Variants in SHC4 observed in about 807,000 individuals in gnomAD.
SHC4 encodes SHC-transforming protein 4.
Under a neutral mutation model 69.4 loss-of-function variants are expected in SHC4, and 41 were observed. The observed-to-expected ratio is 0.59, with a 90% CI of 0.46 to 0.77. SHC4 has a LOEUF of 0.77. Among genes scored for constraint, SHC4 ranks in the 30% least tolerant of loss-of-function variants. The pLI is 0.00. For missense variants in SHC4, 777 were observed against 783.8 expected (o/e 0.99, Z 0.10); for synonymous variants, 318 against 299.3 (o/e 1.06, Z -0.64).
intron 10 of SHC4, among the ~76,000 whole-genome samples, chr15:48,837,713 T>A (rs370600854): frequency 2.0e-5 from 3 of 152,324 alleles, no homozygotes; most frequent in East Asian, 3.9e-4. Flanking sequence ...ATAGTAATCA[T>A]ATCATCTTGG....
At chr15:48,932,590 C>A (rs1900987284) in intron 1 of SHC4, among the ~76,000 whole-genome samples, 1 of 152,174 alleles carries the variant, frequency 6.6e-6, no homozygotes, top group African/African-American at 2.4e-5. Flanking sequence ...CTTTGCTCCT[C>A]CCTCTTGAAA....
At chr15:48,925,348 T>G (rs1245790827) in intron 1 of SHC4, among the ~76,000 whole-genome samples, 1 of 152,162 alleles carries the variant, frequency 6.6e-6, no homozygotes, top group African/African-American at 2.4e-5. Context: ...CAATAGGAAT[T>G]GTTAGGAGAG....
intron 10 of SHC4, among the ~76,000 whole-genome samples, chr15:48,839,197 A>G (rs1160251561): frequency 1.3e-5 from 2 of 152,178 alleles, no homozygotes; most frequent in Non-Finnish European, 2.9e-5. Context: ...AAAGACAATA[A>G]AGGAATATTG....
intron 4 of SHC4, chr15:48,878,163 G>T (rs773646153): frequency 2.0e-6 from 3 of 1,530,382 alleles, no homozygotes; most frequent in South Asian, 2.5e-5. Context: ...CCTAGAGGTT[G>T]AGCGGTTTGC....
intron 4 of SHC4, among the ~76,000 whole-genome samples, chr15:48,874,434 A>G (rs1899754228): frequency 6.6e-6 from 1 of 152,142 alleles, no homozygotes; most frequent in Admixed American, 6.5e-5. Flanking sequence ...GCAGTGGATG[A>G]GCAAGAGAAG....
At chr15:48,936,397 G>A (rs1032485129) in intron 1 of SHC4, among the ~76,000 whole-genome samples, 17 of 152,122 alleles carry the variant, frequency 1.1e-4, no homozygotes, top group Non-Finnish European at 2.4e-4. Flanking sequence ...AAGTCAAAAG[G>A]CAGGGTTGTG....
intron 4 of SHC4, among the ~76,000 whole-genome samples, chr15:48,873,366 C>T (rs542254965): frequency 2.6e-5 from 4 of 152,290 alleles, no homozygotes; most frequent in South Asian, 2.1e-4. Context: ...ATAATTATTA[C>T]GGACTTATTA....
chr15:48,880,107 T>C (rs1022852651), intron 4 of SHC4: 4 of 167,140 alleles, frequency 2.4e-5, no homozygotes, highest in African/African-American at 9.6e-5. Flanking sequence ...GGTTTTATCA[T>C]GATCAGTAAA....
intron 7 of SHC4, among the ~76,000 whole-genome samples, chr15:48,856,863 C>T (rs1899328384): frequency 6.6e-6 from 1 of 151,386 alleles, no homozygotes; most frequent in South Asian, 2.1e-4. Flanking sequence ...AGGTTCATTA[C>T]ATGTCAATAA....
Position 48,855,942 on chromosome 15 carries a change from A to ACATT in SHC4, c.1242+7_1242+10dup. 6.2e-7 allele frequency: 1 copy of ACATT among 1,602,344 alleles called. No homozygotes were observed. Among genetic ancestry groups the ACATT allele is most frequent in the Non-Finnish European group, 8.5e-7 (1 of 1,173,652 alleles). The stretch of plus-strand genomic sequence containing the variant: ...CATTGCTGGTTCCAACAACAATAAA[A>ACATT]CATTACATACCAAATAGCACAACTT... On this transcript the variant is annotated intron_variant, in intron 8 of 11. Transcript: ENST00000332408.
rs1425810519 is a variant in SHC4, at chr15:48,824,385, G to A, written c.*1586C>T. 6.6e-6 allele frequency: 1 copy of A among 151,330 alleles called. No individual in the cohort carries two copies. The highest frequency in any genetic ancestry group is 1.5e-5 in the Non-Finnish European group (1 of 67,904). The allele number at this position is 151,330 out of a possible 1,614,324, so 9.4% of individuals were successfully genotyped here. On this transcript the variant is annotated 3_prime_UTR_variant, in exon 12 of 12. Transcript: ENST00000332408. ...ATCTACATAGCCAAAATGAAATGGA[G>A]TCAAGGCAATATCCAGATAACTCAA...
chr15:48,845,849 A>G (rs548129483), intron 9 of SHC4, among the ~76,000 whole-genome samples: 1 of 152,304 alleles, frequency 6.6e-6, no homozygotes, highest in East Asian at 1.9e-4. Flanking sequence ...AAATTTTCCT[A>G]TATTTGTGTT....
rs57343981 is a variant in SHC4, at chr15:48,836,023, CAA to C, written c.1484-1003_1484-1002del. ...TGAAATCCTGTCTCTACAAAAAATC[CAA>C]AAAAAAAAAAAAAAAAAAAAAGCCA... On this transcript the variant is annotated intron_variant, in intron 10 of 11. Transcript: ENST00000332408. Among the ~76,000 whole-genome samples, 55 of 60,106 alleles carry C rather than the reference CAA, an allele frequency of 9.2e-4. No individual in the cohort carries two copies. In the South Asian group the frequency reaches 0.011, roughly 12 times the overall value. The allele number at this position is 60,106 out of a possible 152,430, so 39.4% of individuals were successfully genotyped here. A position where few individuals can be genotyped will look rare whatever the true frequency, so the allele number is the denominator to read the frequency against.
chr15:48,830,038 C>T (rs1048513940), intron 11 of SHC4, among the ~76,000 whole-genome samples: 3 of 152,030 alleles, frequency 2.0e-5, no homozygotes, highest in African/African-American at 7.2e-5. Context: ...AATATATTTA[C>T]ATTTAAAGTA....
intron 1 of SHC4, among the ~76,000 whole-genome samples, chr15:48,959,819 A>C (rs1901511974): frequency 6.6e-6 from 1 of 152,242 alleles, no homozygotes. Flanking sequence ...TGAGGAACAG[A>C]ACAACAACCA....
At chr15:48,862,900 C>T (rs533169639) in intron 6 of SHC4, among the ~76,000 whole-genome samples, 5 of 152,080 alleles carry the variant, frequency 3.3e-5, no homozygotes, top group South Asian at 2.1e-4. Context: ...CCCCCACTCC[C>T]TGACATCCTT....
intron 6 of SHC4, 24 bp from the exon 7 acceptor site, chr15:48,857,839 A>C (rs778313315): frequency 6.8e-7 from 1 of 1,470,656 alleles, no homozygotes; most frequent in Admixed American, 2.4e-5. Context: ...TACAAAAAAT[A>C]ATATTATAAT....
chr15:48,953,899 T>C (rs1412383084), intron 1 of SHC4, among the ~76,000 whole-genome samples: 2 of 152,184 alleles, frequency 1.3e-5, no homozygotes, highest in Admixed American at 6.5e-5. Context: ...GGAATATTGT[T>C]TGGGTGGAAA....
At chr15:48,904,923 C>A (rs1900381091) in intron 2 of SHC4, among the ~76,000 whole-genome samples, 1 of 142,052 alleles carries the variant, frequency 7.0e-6, no homozygotes. Flanking sequence ...CACGCACACA[C>A]ACACACACAC....
Sources: allele counts gnomAD v4.1 joint callset (sites outside exome capture counted in the v4.1 genomes callset), GRCh38; gene constraint gnomAD v4.1.1; transcripts MANE v1.5; gene names NCBI Gene and HGNC (gene_info 2026-07-23, HGNC 2026-07-21).